The following ADAMTS20 variants were observed in gnomAD, a reference collection of about 807,000 sequenced individuals.
ADAMTS20 encodes A disintegrin and metalloproteinase with thrombospondin motifs 20.
A neutral mutation model predicts 260.1 loss-of-function variants in ADAMTS20; 225 were observed. The ratio of observed to expected loss-of-function variants is 0.87; its 90% CI spans 0.78 to 0.97. The LOEUF is 0.97. Ranked by LOEUF, ADAMTS20 falls within the 50% of genes least tolerant of loss-of-function variation. The pLI is 0.00. For synonymous variants in ADAMTS20, 802 were observed against 769.5 expected, an observed-to-expected ratio of 1.04 and a Z score of -0.70; for missense variants, 2,400 against 2,337.7, an observed-to-expected ratio of 1.03 and a Z score of -0.55.
rs1192743855 is a variant in ADAMTS20 at position 43,502,264 on chromosome 12, T to G, written c.755A>C (p.Lys252Thr). 7 of 1,612,128 alleles carry G rather than the reference T, an allele frequency of 4.3e-6. No homozygotes were observed. The highest frequency in any genetic ancestry group is 5.9e-6 in the Non-Finnish European group (7 of 1,179,340). ...LKDERRHSRK[K>T]RLISYPRYIE... The stretch of plus-strand genomic sequence containing the variant: ...GTATCTTGGATATGATATAAGACGT[T>G]TTTTCCTGGAATGTCTTCTTTCATC... The change falls in exon 4 of 39, where the codon AAA (lysine) becomes ACA (threonine). Residue 252 changes from lysine to threonine, a missense_variant. Lys to Thr is a moderately conservative substitution (Grantham distance 78). Coordinates refer to ENST00000389420, the MANE Select transcript of ADAMTS20 (RefSeq NM_025003.5).
chr12:43,355,170 C>T (rs941089242), intron 38 of ADAMTS20, among the ~76,000 whole-genome samples: 3 of 152,148 alleles, frequency 2.0e-5, no homozygotes, highest in African/African-American at 7.2e-5. Flanking sequence ...TTGAAGTTAC[C>T]TTCTCTTTCT....
In ADAMTS20 at chr12:43,431,460, G is replaced by T; in HGVS notation, c.3133C>A (p.Gln1045Lys). ...TCTACATTCAGCTGACACCATACCT[G>T]CCGCTGCTTTGTTCCTTTACCACAT... ...VTCGKGTKQR[Q>K]VWCQLNVDHL... Residue 1045 changes from glutamine (Q) to lysine (K), a missense_variant, in exon 22 of 39, where the codon CAG becomes AAG. By Grantham distance (53) the Gln-to-Lys change is moderately conservative (BLOSUM62 1). Transcript: ENST00000389420. 1.2e-6 allele frequency: 2 copies of T among 1,613,934 alleles called. No individual in the cohort carries two copies. Among genetic ancestry groups the T allele is most frequent in the Non-Finnish European group, 1.7e-6 (2 of 1,179,848 alleles).
chr12:43,524,656 C>G (rs530100793), intron 3 of ADAMTS20, among the ~76,000 whole-genome samples: 1 of 152,038 alleles, frequency 6.6e-6, no homozygotes, highest in South Asian at 2.1e-4. Context: ...AGATAGATAT[C>G]AAAGAAAAAT....
At position 43,383,713 on chromosome 12, in the gene ADAMTS20, C is replaced by G; in HGVS notation, c.4642G>C (p.Glu1548Gln). The G allele has an allele frequency of 6.2e-7, 1 of 1,613,828 alleles. No homozygotes were observed. The highest frequency in any genetic ancestry group is 8.5e-7 in the Non-Finnish European group (1 of 1,179,804). ...ATTCGTTGATGTGAATCTTTTCTCT[C>G]ACATGATGTTGAACACTAGAAATGC... ...RGRLNCSTSC[E>Q]RKDSHQRMEC... The change falls in exon 31 of 39, where the codon GAG becomes CAG. Residue 1548 changes from glutamate to glutamine, a missense_variant. By Grantham distance (29) the Glu-to-Gln change is conservative. Transcript: ENST00000389420.
In ADAMTS20 at chr12:43,550,999, T is replaced by A. The variant is rs769262057; in HGVS notation, c.363A>T (p.Ala121=). 18 of 1,613,012 alleles carry A rather than the reference T, an allele frequency of 1.1e-5. No homozygotes were observed. The highest frequency in any genetic ancestry group is 1.5e-5 in the Non-Finnish European group (18 of 1,179,498). ...AGCAGTGGCGCAGGTCCGAGGGCCC[T>A]GCGTCGCTCTCCCAGGCCCCGCGCT... is the stretch of plus-strand genomic sequence containing the variant. ...TPERGAWESD[A]GPSDLRHCFY... is the part of the protein sequence containing the mutation. Residue 121 remains alanine (A), a synonymous_variant, in exon 2 of 39, where the codon GCA becomes GCT. Transcript: ENST00000389420.
chr12:43,434,438 G>A (rs1941510661), intron 18 of ADAMTS20, 67 bp from the exon 19 acceptor site: 2 of 1,480,752 alleles, frequency 1.4e-6, no homozygotes, highest in East Asian at 2.5e-5. Context: ...CCATAATTAT[G>A]TAATTCTGCT....
At chr12:43,371,063 T>C (rs545437936) in intron 36 of ADAMTS20, among the ~76,000 whole-genome samples, 1 of 152,360 alleles carries the variant, frequency 6.6e-6, no homozygotes, top group African/African-American at 2.4e-5. Flanking sequence ...TTGTATAGTT[T>C]AGTATGCACT....
Position 43,377,349 on chromosome 12 carries a change from A to G in ADAMTS20, c.4995+16T>C, listed in dbSNP as rs377048007. On this transcript the variant is annotated intron_variant, in intron 32 of 38. Transcript: ENST00000389420. ...GTCTTATTCAGAAGTTTTAAAATTC[A>G]TAATTGTACACCGACCTTGCTCCAT... The G allele has an allele frequency of 6.9e-6, 11 of 1,588,740 alleles. No individual in the cohort carries two copies. In the African/African-American group the frequency reaches 1.3e-4, roughly 19 times the overall value.
chr12:43,360,852 C>T (rs1190524430), intron 37 of ADAMTS20, among the ~76,000 whole-genome samples: 1 of 152,166 alleles, frequency 6.6e-6, no homozygotes, highest in Non-Finnish European at 1.5e-5. Context: ...AATACACATT[C>T]CAAATATCTA....
At chr12:43,508,609 TA>T (rs1437610696) in intron 3 of ADAMTS20, among the ~76,000 whole-genome samples, 31 of 98,430 alleles carry the variant, frequency 3.1e-4, no homozygotes, top group African/African-American at 1.2e-3. Flanking sequence ...AAAATTTTTT[TA>T]TTATTAAAAA....
chr12:43,498,677 T>C (rs1333795547), intron 4 of ADAMTS20, among the ~76,000 whole-genome samples: 1 of 152,218 alleles, frequency 6.6e-6, no homozygotes, highest in Non-Finnish European at 1.5e-5. Flanking sequence ...GCAAATAGCA[T>C]TTCTCTTACC....
chr12:43,531,135 A>G (rs1249498217), intron 3 of ADAMTS20, among the ~76,000 whole-genome samples: 1 of 152,066 alleles, frequency 6.6e-6, no homozygotes, highest in Admixed American at 6.6e-5. Context: ...GAAATGTTGT[A>G]CAACAATGAA....
At position 43,430,485 on chromosome 12, in the gene ADAMTS20, A is replaced by T. The variant is rs11182070; in HGVS notation, c.3262-14T>A. On this transcript the variant is annotated splice_polypyrimidine_tract_variant and intron_variant, in intron 22 of 38. Coordinates refer to ENST00000389420, the MANE Select transcript of ADAMTS20 (RefSeq NM_025003.5). ...TGTGGTTGTGCACTGAAAGAAGAAT[A>T]TAGATATTAAAAAAACATTGTTTCC... 4,540 of 1,600,510 alleles carry T rather than the reference A, an allele frequency of 2.8e-3. 113 individuals are homozygous for T. The African/African-American group carries it at 0.053, about 19-fold the overall frequency.
chr12:43,407,103 G>T (rs2137263946), intron 28 of ADAMTS20, among the ~76,000 whole-genome samples: 1 of 152,018 alleles, frequency 6.6e-6, no homozygotes, highest in East Asian at 1.9e-4. Context: ...TGACTATTCA[G>T]CTCTAATAAG....
intron 28 of ADAMTS20, among the ~76,000 whole-genome samples, chr12:43,407,893 T>G (rs749025438): frequency 9.9e-5 from 15 of 152,180 alleles, no homozygotes; most frequent in Non-Finnish European, 1.9e-4. Flanking sequence ...AATTTATATT[T>G]TTAACTTTCT....
At chr12:43,410,693 G>C (rs540418712) in intron 28 of ADAMTS20, among the ~76,000 whole-genome samples, 1 of 152,198 alleles carries the variant, frequency 6.6e-6, no homozygotes, top group Non-Finnish European at 1.5e-5. Context: ...AAGGATTAGA[G>C]ATTACTTCTA....
intron 37 of ADAMTS20, among the ~76,000 whole-genome samples, chr12:43,364,207 C>A (rs1437648036): frequency 6.6e-6 from 1 of 152,000 alleles, no homozygotes; most frequent in Non-Finnish European, 1.5e-5. Flanking sequence ...AATACACAAA[C>A]AAAGAAGTAA....
intron 9 of ADAMTS20, 29 bp from the exon 10 acceptor site, chr12:43,464,761 G>C (rs1454857270): frequency 6.3e-7 from 1 of 1,597,194 alleles, no homozygotes; most frequent in Non-Finnish European, 8.5e-7. Flanking sequence ...ATAAAATATT[G>C]TGAATACACA....
chr12:43,481,280 A>G (rs1430154359), intron 7 of ADAMTS20, among the ~76,000 whole-genome samples: 2 of 152,142 alleles, frequency 1.3e-5, no homozygotes, highest in Non-Finnish European at 2.9e-5. Flanking sequence ...AAGATGAAAT[A>G]ATCATATGAT....
Sources: gnomAD v4.1 joint callset for allele counts (sites outside exome capture counted in the v4.1 genomes callset) on GRCh38, gnomAD v4.1.1 for gene constraint, MANE v1.5 for transcripts, NCBI Gene and HGNC (gene_info 2026-07-23, HGNC 2026-07-21) for gene names.